The following PRTFDC1 variants were observed in gnomAD, a reference collection of about 807,000 sequenced individuals.
PRTFDC1 encodes the protein phosphoribosyltransferase domain-containing protein 1.
PRTFDC1 carries 38 observed loss-of-function variants against 34.6 expected under a neutral mutation model. That is an observed-to-expected ratio of 1.10 (90% CI 0.85 to 1.44). PRTFDC1 has a LOEUF of 1.44. Ranked by LOEUF, PRTFDC1 falls within the 40% of genes most tolerant of loss-of-function variation. The pLI is 0.00. For missense variants in PRTFDC1, 270 were observed against 283.0 expected, an observed-to-expected ratio of 0.95 and a Z score of 0.33; for synonymous variants, 93 against 98.1, an observed-to-expected ratio of 0.95 and a Z score of 0.31.
chr10:24,911,730 G>A (rs765375710), intron 3 of PRTFDC1, among the ~76,000 whole-genome samples: 18 of 152,016 alleles, frequency 1.2e-4, no homozygotes, highest in Non-Finnish European at 2.4e-4. Flanking sequence ...AGCCGGGTAT[G>A]GTGGCACATG....
chr10:24,880,950 C>G (rs1565264606), intron 3 of PRTFDC1, among the ~76,000 whole-genome samples: 1 of 149,758 alleles, frequency 6.7e-6, no homozygotes, highest in Non-Finnish European at 1.5e-5. Flanking sequence ...TTCTTTCCTT[C>G]CTTCTTCTTT....
Position 24,942,337 on chromosome 10 carries a change from C to T in PRTFDC1, c.148G>A (p.Val50Met). ...ACAGGAAATCACACTCACCTGTCCA[C>T]AATGATACCATGAGGGATGAGGACA... is the stretch of plus-strand genomic sequence containing the variant. ...EYVLIPHGII[V>M]DRIERLAKDI... is the part of the protein sequence containing the mutation. Residue 50 changes from valine to methionine, a missense_variant, in exon 2 of 9, where the codon GTG becomes ATG. Physicochemically the swap from Val to Met is conservative, Grantham distance 21. Transcript: ENST00000320152. 6.2e-7 allele frequency: 1 copy of T among 1,610,480 alleles called. No individual in the cohort carries two copies. The highest frequency in any genetic ancestry group is 8.5e-7 in the Non-Finnish European group (1 of 1,176,666).
rs80242717 is a variant in PRTFDC1 at position 24,899,538 on chromosome 10, G to A, written c.340-27475C>T. 3.7e-3 allele frequency among the ~76,000 whole-genome samples: 570 copies of A among 152,172 alleles called. 20 individuals carry two copies. The East Asian group carries it at 0.086, about 23-fold the overall frequency. ...ATCCTCCACAAAACTTAGGGGGTGG[G>A]AATTGATTTTGGGAAATAACAATTT... On this transcript the variant is annotated intron_variant, in intron 3 of 8. Coordinates refer to ENST00000320152, the MANE Select transcript of PRTFDC1 (RefSeq NM_020200.7).
chr10:24,853,882 C>T (rs78449693), intron 7 of PRTFDC1, among the ~76,000 whole-genome samples: 2,031 of 152,272 alleles, frequency 0.013, 16 homozygotes, highest in Middle Eastern at 0.034. Context: ...ATGTTACTTG[C>T]AGATGTAGTG....
chr10:24,899,107 C>T lies in PRTFDC1; in HGVS notation c.340-27044G>A, dbSNP rs373350504. On this transcript the variant is annotated intron_variant, in intron 3 of 8. Transcript: ENST00000320152. Reference sequence around the variant, plus strand: ...TGGCACTTTGTTACAGCAGCCCAAACGGACTAAAATACCTACCCTTCCATC... The same window carrying T: ...TGGCACTTTGTTACAGCAGCCCAAATGGACTAAAATACCTACCCTTCCATC... Among the ~76,000 whole-genome samples the T allele has an allele frequency of 2.0e-4, 31 of 152,230 alleles. No homozygotes were observed. The South Asian group carries it at 6.0e-3, about 30-fold the overall frequency.
chr10:24,948,731 C>T (rs1849290432), intron 1 of PRTFDC1, among the ~76,000 whole-genome samples: 1 of 152,186 alleles, frequency 6.6e-6, no homozygotes, highest in South Asian at 2.1e-4. Flanking sequence ...CTGATTTACT[C>T]CAATGCCTAC....
At position 24,854,588 on chromosome 10, in the gene PRTFDC1, T is replaced by G. The variant is rs189277762; in HGVS notation, c.553+730A>C. 7.0e-4 allele frequency among the ~76,000 whole-genome samples: 107 copies of G among 152,300 alleles called. 5 individuals carry two copies. The East Asian group carries it at 0.019, about 27-fold the overall frequency. ...TATGCAAGTGAAAAAAAATCGCCTCTAGTGTTAGAATAATAAATAATTAGG... is the reference window on the plus strand; with the variant it reads ...TATGCAAGTGAAAAAAAATCGCCTCGAGTGTTAGAATAATAAATAATTAGG... On this transcript the variant is annotated intron_variant, in intron 7 of 8. Coordinates refer to ENST00000320152, the MANE Select transcript of PRTFDC1 (RefSeq NM_020200.7).
chr10:24,906,889 C>T (rs1408692487), intron 3 of PRTFDC1, among the ~76,000 whole-genome samples: 1 of 152,170 alleles, frequency 6.6e-6, no homozygotes, highest in Non-Finnish European at 1.5e-5. Flanking sequence ...TGTCAGGAGG[C>T]TGTGGCACTG....
intron 3 of PRTFDC1, among the ~76,000 whole-genome samples, chr10:24,925,436 C>T (rs1354346744): frequency 2.0e-5 from 3 of 152,076 alleles, no homozygotes; most frequent in Non-Finnish European, 4.4e-5. Flanking sequence ...CAAACCTGCA[C>T]ATTGTGCACA....
chr10:24,857,517 C>G (rs978811816), intron 5 of PRTFDC1, among the ~76,000 whole-genome samples: 3 of 152,134 alleles, frequency 2.0e-5, no homozygotes, highest in Non-Finnish European at 4.4e-5. Flanking sequence ...GCAGTGAGCT[C>G]GGGCTCATCT....
intron 4 of PRTFDC1, among the ~76,000 whole-genome samples, chr10:24,863,990 A>G (rs1847730643): frequency 6.9e-6 from 1 of 143,944 alleles, no homozygotes; most frequent in African/African-American, 2.6e-5. Context: ...ACTGCACACC[A>G]GCGACAGAGC....
At chr10:24,886,685 C>T (rs1294762661) in intron 3 of PRTFDC1, among the ~76,000 whole-genome samples, 1 of 152,180 alleles carries the variant, frequency 6.6e-6, no homozygotes. Flanking sequence ...TATCATAGCT[C>T]ACTGCAGCTT....
At chr10:24,925,728 A>G (rs997618311) in intron 3 of PRTFDC1, among the ~76,000 whole-genome samples, 2 of 152,154 alleles carry the variant, frequency 1.3e-5, no homozygotes, top group Non-Finnish European at 2.9e-5. Flanking sequence ...GACCCTTCCT[A>G]GTTTCCAGCT....
chr10:24,931,309 C>T (rs1848967666), intron 3 of PRTFDC1, among the ~76,000 whole-genome samples: 5 of 151,974 alleles, frequency 3.3e-5, no homozygotes, highest in Admixed American at 3.3e-4. Context: ...ATGAACTCAA[C>T]TTTCATTTTA....
At chr10:24,886,956 C>CTTTTTTTTTTTTTTT (rs57910963) in intron 3 of PRTFDC1, among the ~76,000 whole-genome samples, 9 of 86,406 alleles carry the variant, frequency 1.0e-4, no homozygotes, top group African/African-American at 3.4e-4. Context: ...AATACTCCTT[C>CTTTTTTTTTTTTTTT]TTTTTTTTTT....
At chr10:24,871,266 G>C (rs1284054442) in intron 4 of PRTFDC1, among the ~76,000 whole-genome samples, 8 of 152,102 alleles carry the variant, frequency 5.3e-5, no homozygotes, top group African/African-American at 1.7e-4. Context: ...TCAGGGATAA[G>C]GAATACAAGC....
chr10:24,891,211 T>G (rs1156631217), intron 3 of PRTFDC1, among the ~76,000 whole-genome samples: 1 of 152,204 alleles, frequency 6.6e-6, no homozygotes, highest in Non-Finnish European at 1.5e-5. Flanking sequence ...CTTGTGATCA[T>G]GTAAATTTAA....
rs571806631 is a variant in PRTFDC1, at chr10:24,940,497, G to A, written c.155+1833C>T. ...TTAGGAAAATACAAATTAAAACCAC[G>A]GTGAGATACCATTAGACAGCCACAA... On this transcript the variant is annotated intron_variant, in intron 2 of 8. Coordinates refer to ENST00000320152, the MANE Select transcript of PRTFDC1 (RefSeq NM_020200.7). Among the ~76,000 whole-genome samples the A allele has an allele frequency of 1.8e-4, 28 of 152,142 alleles. 1 individual carries two copies. Among genetic ancestry groups the A allele is most frequent in the South Asian group, 4.1e-4 (2 of 4,828 alleles).
chr10:24,876,324 A>T (rs1336812858), intron 3 of PRTFDC1, among the ~76,000 whole-genome samples: 2 of 152,128 alleles, frequency 1.3e-5, no homozygotes, highest in Non-Finnish European at 2.9e-5. Context: ...AACTGAATTA[A>T]TGCATGTGGA....
Sources: gnomAD v4.1 joint callset for allele counts (sites outside exome capture counted in the v4.1 genomes callset) on GRCh38, gnomAD v4.1.1 for gene constraint, MANE v1.5 for transcripts, NCBI Gene and HGNC (gene_info 2026-07-23, HGNC 2026-07-21) for gene names.